ZNF777: variants seen among roughly 807,000 people sequenced by gnomAD.
ZNF777 encodes zinc finger protein 777.
Under a neutral mutation model 72.1 loss-of-function variants are expected in ZNF777, and 7 were observed. The observed-to-expected ratio is 0.10, with a 90% CI of 0.06 to 0.18. The LOEUF is 0.18. Ranked by LOEUF, ZNF777 falls within the 10% of genes least tolerant of loss-of-function variation. The pLI is 1.00. For missense variants in ZNF777, 828 were observed against 1,128.6 expected, an observed-to-expected ratio of 0.73 and a Z score of 3.82; for synonymous variants, 545 against 483.5, an observed-to-expected ratio of 1.13 and a Z score of -1.67.
Position 149,432,217 on chromosome 7 carries a change from C to T in ZNF777, c.2055G>A (p.Val685=). Residue 685 remains valine (V), a synonymous_variant, in exon 6 of 6, where the codon GTG becomes GTA. Transcript: ENST00000247930. ...AGGAGACCTCATGCTTGCCCGCGTG[C>T]ACGCGCTGATGGATCACCAAGCTGA... ...LHISLVIHQR[V]HAGKHEVSFI... is the part of the protein sequence containing the mutation. 6.2e-7 allele frequency: 1 copy of T among 1,606,620 alleles called. No individual in the cohort carries two copies. The highest frequency in any genetic ancestry group is 8.5e-7 in the Non-Finnish European group (1 of 1,179,776).
In ZNF777 at chr7:149,431,745, C is replaced by T. The variant is rs547373318; in HGVS notation, c.*31G>A. On this transcript the variant is annotated 3_prime_UTR_variant, in exon 6 of 6. Coordinates refer to ENST00000247930, the MANE Select transcript of ZNF777 (RefSeq NM_015694.3). ...TCCGAGGGGGGGCACGGCCCGCGCA[C>T]CTGGCCGGGCGGCGGCGGCGGGGCG... is the stretch of plus-strand genomic sequence containing the variant. 1.4e-6 allele frequency: 2 copies of T among 1,398,456 alleles called. No individual in the cohort carries two copies. The highest frequency in any genetic ancestry group is 1.8e-6 in the Non-Finnish European group (2 of 1,084,148). 86.6% of individuals were successfully genotyped at this position (1,398,456 alleles called of 1,614,324 possible). A position where few individuals can be genotyped will look rare whatever the true frequency, so the allele number is the denominator to read the frequency against.
intron 4 of ZNF777, among the ~76,000 whole-genome samples, chr7:149,438,156 G>A (rs1232992401): frequency 6.6e-6 from 1 of 151,964 alleles, no homozygotes; most frequent in Non-Finnish European, 1.5e-5. Context: ...TGGGATTACA[G>A]GCGTGAATTT....
In ZNF777 at chr7:149,432,361, C is replaced by G. The variant is rs750203101; in HGVS notation, c.1911G>C (p.Lys637Asn). 3.7e-6 allele frequency: 6 copies of G among 1,612,566 alleles called. No individual in the cohort carries two copies. In the South Asian group the frequency reaches 6.6e-5, roughly 18 times the overall value. The change falls in exon 6 of 6, where the codon AAG (lysine) becomes AAC (asparagine). Residue 637 changes from lysine to asparagine, a missense_variant. By Grantham distance (94) the Lys-to-Asn change is moderately conservative. This residue lies in a region of ZNF777 where 100 missense variants were observed against 106.2 expected (regional missense o/e 0.94). Transcript: ENST00000247930. ...GSGGGGPKPYKCPECDSSFSH... is the reference protein window; with the variant it reads ...GSGGGGPKPYNCPECDSSFSH... The stretch of plus-strand genomic sequence containing the variant: ...TGAAGCTGCTGTCGCACTCGGGGCA[C>G]TTGTAGGGCTTAGGGCCACCGCCGC...
chr7:149,431,623 A>T lies in ZNF777; in HGVS notation c.*153T>A. 2.5e-6 allele frequency: 2 copies of T among 806,168 alleles called. No homozygotes were observed. The highest frequency in any genetic ancestry group is 1.5e-5 in the South Asian group (1 of 67,350). 49.9% of individuals were successfully genotyped at this position (806,168 alleles called of 1,614,324 possible). ...CAAGGGACCTGGTCTCACTGCCCCC[A>T]TGTCCTTGGGAGGAGGGACGAGAGG... On this transcript the variant is annotated 3_prime_UTR_variant, in exon 6 of 6. Coordinates refer to ENST00000247930, the MANE Select transcript of ZNF777 (RefSeq NM_015694.3).
chr7:149,457,167 T>C (rs1799850009), intron 1 of ZNF777, among the ~76,000 whole-genome samples: 1 of 152,232 alleles, frequency 6.6e-6, no homozygotes, highest in African/African-American at 2.4e-5. Flanking sequence ...ACGCTCTCCT[T>C]GTTCCTCACC....
chr7:149,438,925 T>C (rs1443333594), intron 4 of ZNF777, among the ~76,000 whole-genome samples: 1 of 152,176 alleles, frequency 6.6e-6, no homozygotes, highest in African/African-American at 2.4e-5. Flanking sequence ...GCCACAGCCT[T>C]AAATGAAGAC....
intron 1 of ZNF777, chr7:149,459,522 G>T: frequency 1.8e-6 from 1 of 565,944 alleles, no homozygotes; most frequent in Non-Finnish European, 2.2e-6. Context: ...GCCCCCGACG[G>T]GCCGCGTCCG....
At chr7:149,445,429 A>T (rs1799585886) in intron 4 of ZNF777, among the ~76,000 whole-genome samples, 1 of 152,134 alleles carries the variant, frequency 6.6e-6, no homozygotes, top group Non-Finnish European at 1.5e-5. Flanking sequence ...GAGAACAGGG[A>T]GCTCAGTGCA....
chr7:149,451,241 A>T (rs539841063), intron 3 of ZNF777, 129 bp from the exon 4 acceptor site: 3 of 750,480 alleles, frequency 4.0e-6, no homozygotes, highest in Non-Finnish European at 6.6e-6. Flanking sequence ...AAAACCGCCA[A>T]GTCTCCCCTT....
At chr7:149,457,284 G>A (rs778626789) in intron 1 of ZNF777, among the ~76,000 whole-genome samples, 3 of 152,294 alleles carry the variant, frequency 2.0e-5, no homozygotes, top group South Asian at 2.1e-4. Context: ...TATCTTTATT[G>A]GAACCTAACA....
intron 4 of ZNF777, among the ~76,000 whole-genome samples, chr7:149,448,277 C>T (rs1386033388): frequency 1.3e-5 from 2 of 151,396 alleles, no homozygotes; most frequent in Non-Finnish European, 2.9e-5. Context: ...AGCAGCCTGA[C>T]CAACATGGTG....
At chr7:149,454,799 T>G (rs1352328820) in intron 2 of ZNF777, among the ~76,000 whole-genome samples, 19 of 152,146 alleles carry the variant, frequency 1.2e-4, no homozygotes, top group Admixed American at 1.2e-3. Flanking sequence ...AAATGTGGAG[T>G]GGGACAGATC....
intron 4 of ZNF777, among the ~76,000 whole-genome samples, chr7:149,443,723 C>T (rs1221825839): frequency 1.3e-5 from 2 of 152,178 alleles, no homozygotes; most frequent in South Asian, 2.1e-4. Context: ...GCCGGGATTA[C>T]AGGCATGGGC....
intron 4 of ZNF777, among the ~76,000 whole-genome samples, chr7:149,447,605 C>T (rs1455298888): frequency 1.3e-5 from 2 of 152,188 alleles, no homozygotes; most frequent in Admixed American, 1.3e-4. Flanking sequence ...TCTCTCAGGG[C>T]GATGCCAAGG....
intron 4 of ZNF777, among the ~76,000 whole-genome samples, chr7:149,438,596 T>C (rs2116576163): frequency 6.6e-6 from 1 of 152,312 alleles, no homozygotes; most frequent in East Asian, 1.9e-4. Flanking sequence ...CATAAGGTGG[T>C]AGACACAATA....
chr7:149,446,950 T>C (rs1222237882), intron 4 of ZNF777, among the ~76,000 whole-genome samples: 1 of 152,288 alleles, frequency 6.6e-6, no homozygotes, highest in Middle Eastern at 3.4e-3. Context: ...ACGACACGGT[T>C]GGGCATACTC....
At chr7:149,440,677 T>TG (rs1563235213) in intron 4 of ZNF777, among the ~76,000 whole-genome samples, 2 of 137,504 alleles carry the variant, frequency 1.5e-5, no homozygotes, top group Admixed American at 1.6e-4. Flanking sequence ...TTTTTTGTTT[T>TG]TTTTTTTTTT....
intron 4 of ZNF777, among the ~76,000 whole-genome samples, chr7:149,443,127 G>A (rs1168742348): frequency 6.6e-6 from 1 of 152,068 alleles, no homozygotes; most frequent in African/African-American, 2.4e-5. Flanking sequence ...TGAAACTTGT[G>A]AACACCCTAA....
intron 4 of ZNF777, among the ~76,000 whole-genome samples, chr7:149,440,402 T>C (rs1188860673): frequency 1.3e-5 from 2 of 152,086 alleles, no homozygotes; most frequent in East Asian, 3.9e-4. Flanking sequence ...CTCTGTTGCG[T>C]AGGCTGGAGT....
Sources: allele counts gnomAD v4.1 joint callset (sites outside exome capture counted in the v4.1 genomes callset), GRCh38; gene constraint gnomAD v4.1.1; regional missense constraint gnomAD v4.1.1; transcripts MANE v1.5; gene names NCBI Gene and HGNC (gene_info 2026-07-23, HGNC 2026-07-21).